QDPR: variants seen among roughly 807,000 people sequenced by gnomAD.
QDPR encodes dihydropteridine reductase.
In QDPR, 23 loss-of-function variants were observed where a neutral mutation model predicts 31.7. That is an observed-to-expected ratio of 0.73 (90% confidence interval 0.52 to 1.03). The LOEUF (loss-of-function observed/expected upper bound fraction) is 1.03, where lower values mean the gene tolerates loss of function less well. Among genes scored for constraint, QDPR ranks in the 50% least tolerant of loss-of-function variants. The pLI, the probability that QDPR is intolerant of heterozygous loss-of-function variation, is 0.00. For synonymous variants in QDPR, 124 were observed against 124.7 expected (o/e 0.99, Z 0.03); for missense variants, 324 against 323.8 (o/e 1.00, Z 0.00).
chr4:17,489,746 C>T, intron 6 of QDPR, among the ~76,000 whole-genome samples: 1 of 152,166 alleles, frequency 6.6e-6, no homozygotes, highest in East Asian at 1.9e-4. Flanking sequence ...TGTAAGTACA[C>T]ATTTCAAACA....
intron 6 of QDPR, among the ~76,000 whole-genome samples, chr4:17,489,483 A>G (rs950510515): frequency 1.1e-4 from 16 of 152,370 alleles, no homozygotes; most frequent in African/African-American, 3.6e-4. Flanking sequence ...CAAATCAAGC[A>G]TGAAGCATGA....
At chr4:17,509,964 T>C (rs1243230766) in intron 1 of QDPR, 2 of 456,254 alleles carry the variant, frequency 4.4e-6, no homozygotes, top group Admixed American at 2.3e-5. Context: ...TGGTATCTGT[T>C]GTTACTCAAA....
At chr4:17,495,168 T>G (rs145257652) in intron 4 of QDPR, among the ~76,000 whole-genome samples, 40 of 152,262 alleles carry the variant, frequency 2.6e-4, no homozygotes, top group Non-Finnish European at 3.1e-4. Flanking sequence ...TCCTTCCTTA[T>G]CAGCAGTGGA....
chr4:17,509,673 T>C (rs1234551368), intron 1 of QDPR, among the ~76,000 whole-genome samples: 1 of 152,130 alleles, frequency 6.6e-6, no homozygotes, highest in Admixed American at 6.5e-5. Context: ...ATCGCACCAC[T>C]GTACTCCGGG....
chr4:17,502,285 A>G (rs912756565), intron 3 of QDPR, among the ~76,000 whole-genome samples: 1 of 152,234 alleles, frequency 6.6e-6, no homozygotes, highest in South Asian at 2.1e-4. Flanking sequence ...ACTGAGCTAC[A>G]TATTTTATGT....
rs571921877 is a variant in QDPR, at chr4:17,509,529, C to T, written c.106-166G>A. Among the ~76,000 whole-genome samples the T allele has an allele frequency of 1.2e-4, 19 of 152,156 alleles. 1 individual carries two copies. The South Asian group carries it at 4.0e-3, about 32-fold the overall frequency. On this transcript the variant is annotated intron_variant, in intron 1 of 6. Coordinates refer to ENST00000281243, the MANE Select transcript of QDPR (RefSeq NM_000320.3). ...TCTCTTGAGGCCAAGAGTTTGAGAC[C>T]AGCCTGGGCAACATAGCAAGACCCA...
chr4:17,487,014 G>A lies in QDPR; in HGVS notation c.*117C>T, dbSNP rs1717981730. On this transcript the variant is annotated 3_prime_UTR_variant, in exon 7 of 7. Transcript: ENST00000281243. Reference sequence around the variant, plus strand: ...ATGCATATTATGTGAGAGAAAAATAGGACTCATTATCTCGTACCACAAACA... The same window carrying A: ...ATGCATATTATGTGAGAGAAAAATAAGACTCATTATCTCGTACCACAAACA... 1.3e-6 allele frequency: 1 copy of A among 795,400 alleles called. No homozygotes were observed. Among genetic ancestry groups the A allele is most frequent in the Non-Finnish European group, 2.2e-6 (1 of 452,510 alleles). 49.3% of individuals were successfully genotyped at this position (795,400 alleles called of 1,614,324 possible). A position where few individuals can be genotyped will look rare whatever the true frequency, so the allele number is the denominator to read the frequency against.
chr4:17,511,497 G>A (rs1334995875), intron 1 of QDPR, among the ~76,000 whole-genome samples: 3 of 151,758 alleles, frequency 2.0e-5, no homozygotes, highest in African/African-American at 7.3e-5. Flanking sequence ...TCATCTAATC[G>A]TCCCAACTCT....
At chr4:17,487,841 C>G (rs993234361) in intron 6 of QDPR, among the ~76,000 whole-genome samples, 3 of 152,172 alleles carry the variant, frequency 2.0e-5, no homozygotes, top group Non-Finnish European at 2.9e-5. Flanking sequence ...GCATGATGGA[C>G]ACATACCCAG....
Position 17,487,060 on chromosome 4 carries a change from G to T in QDPR, c.*71C>A. On this transcript the variant is annotated 3_prime_UTR_variant, in exon 7 of 7. Transcript: ENST00000281243. ...AAACAGGGGTTACAGAAAACACAAG[G>T]CTGGACAAGGCCACACTGAGACAGG... 2 of 1,227,854 alleles carry T rather than the reference G, an allele frequency of 1.6e-6. No individual in the cohort carries two copies. The highest frequency in any genetic ancestry group is 2.4e-6 in the Non-Finnish European group (2 of 829,802). The allele number at this position is 1,227,854 out of a possible 1,614,324, so 76.1% of individuals were successfully genotyped here.
chr4:17,502,707 A>C (rs1170321920), intron 3 of QDPR, among the ~76,000 whole-genome samples: 1 of 152,208 alleles, frequency 6.6e-6, no homozygotes, highest in Non-Finnish European at 1.5e-5. Context: ...TTTGGCTAAT[A>C]AATGTAGAAG....
intron 4 of QDPR, among the ~76,000 whole-genome samples, chr4:17,498,927 C>T (rs1302979228): frequency 6.6e-6 from 1 of 152,158 alleles, no homozygotes; most frequent in Non-Finnish European, 1.5e-5. Flanking sequence ...CTGCAGCATA[C>T]TTAAAAGATC....
At chr4:17,494,430 C>T (rs1718279621) in intron 4 of QDPR, among the ~76,000 whole-genome samples, 2 of 152,184 alleles carry the variant, frequency 1.3e-5, no homozygotes, top group African/African-American at 4.8e-5. Context: ...ATCACCAGAA[C>T]ATGTGACTAT....
chr4:17,509,765 C>T (rs1019307922), intron 1 of QDPR, among the ~76,000 whole-genome samples: 1 of 152,050 alleles, frequency 6.6e-6, no homozygotes, highest in Admixed American at 6.5e-5. Context: ...AGAGTGGAGA[C>T]AGGTAAGAGG....
intron 2 of QDPR, among the ~76,000 whole-genome samples, chr4:17,507,807 T>C (rs528072905): frequency 6.6e-6 from 1 of 152,208 alleles, no homozygotes; most frequent in South Asian, 2.1e-4. Context: ...TTTCACCATG[T>C]TGGCCAGGAT....
intron 2 of QDPR, among the ~76,000 whole-genome samples, chr4:17,508,886 C>T (rs748398109): frequency 7.9e-5 from 12 of 152,092 alleles, no homozygotes; most frequent in South Asian, 2.1e-4. Context: ...AGGCCAGGCG[C>T]GGTGGCTCAT....
intron 4 of QDPR, among the ~76,000 whole-genome samples, chr4:17,494,780 A>C (rs1718292902): frequency 6.6e-6 from 1 of 152,214 alleles, no homozygotes; most frequent in Non-Finnish European, 1.5e-5. Flanking sequence ...GGAATTCAAA[A>C]AGTGCAGCCC....
At chr4:17,501,058 T>C (rs924705873) in intron 4 of QDPR, among the ~76,000 whole-genome samples, 1 of 152,206 alleles carries the variant, frequency 6.6e-6, no homozygotes, top group Non-Finnish European at 1.5e-5. Context: ...ACAGTACTCT[T>C]CAAGTTAGAT....
intron 3 of QDPR, among the ~76,000 whole-genome samples, chr4:17,503,457 G>A (rs144385709): frequency 2.4e-4 from 36 of 152,270 alleles, no homozygotes; most frequent in African/African-American, 7.5e-4. Flanking sequence ...GGAGAAACAC[G>A]CGGAAATATA....
Sources: gnomAD v4.1 joint callset for allele counts (sites outside exome capture counted in the v4.1 genomes callset) on GRCh38, gnomAD v4.1.1 for gene constraint, MANE v1.5 for transcripts, NCBI Gene and HGNC (gene_info 2026-07-23, HGNC 2026-07-21) for gene names.